The following CALN1 variants were observed in gnomAD, a reference collection of about 807,000 sequenced individuals.
CALN1 encodes calneuron 1.
Under a neutral mutation model 30.6 loss-of-function variants are expected in CALN1, and 17 were observed. That is an observed-to-expected ratio of 0.56 (90% CI 0.38 to 0.83). The LOEUF (loss-of-function observed/expected upper bound fraction) is 0.83. Among genes scored for constraint, CALN1 ranks in the 40% least tolerant of loss-of-function variants. The probability of loss-of-function intolerance (pLI) is 0.00; values close to 1 mark genes in which losing one functional copy is unlikely to be tolerated. For missense variants in CALN1, 291 were observed against 354.9 expected, an observed-to-expected ratio of 0.82 and a Z score of 1.45; for synonymous variants, 156 against 131.4, an observed-to-expected ratio of 1.19 and a Z score of -1.28.
chr7:72,012,591 A>G (rs1300926678), intron 5 of CALN1, among the ~76,000 whole-genome samples: 1 of 152,234 alleles, frequency 6.6e-6, no homozygotes, highest in East Asian at 1.9e-4. Context: ...TTTTCCCAAA[A>G]TATGAGTTTT....
intron 3 of CALN1, among the ~76,000 whole-genome samples, chr7:72,241,476 G>C (rs1056161084): frequency 6.6e-6 from 1 of 152,152 alleles, no homozygotes; most frequent in African/African-American, 2.4e-5. Flanking sequence ...GGAGGCCAAG[G>C]CGGGCAGATC....
At chr7:72,137,567 A>C (rs931115667) in intron 3 of CALN1, among the ~76,000 whole-genome samples, 2 of 152,214 alleles carry the variant, frequency 1.3e-5, no homozygotes, top group Non-Finnish European at 2.9e-5. Flanking sequence ...CAAAACAAAA[A>C]AACACAGTAT....
At position 71,902,885 on chromosome 7, in the gene CALN1, C is replaced by A. The variant is rs1415093578; in HGVS notation, c.502-92393G>T. 3.9e-5 allele frequency among the ~76,000 whole-genome samples: 6 copies of A among 152,002 alleles called. No individual in the cohort carries two copies. In the East Asian group the frequency reaches 9.7e-4, roughly 25 times the overall value. On this transcript the variant is annotated intron_variant, in intron 5 of 6. Coordinates refer to ENST00000395275, the MANE Select transcript of CALN1 (RefSeq NM_031468.4). The stretch of plus-strand genomic sequence containing the variant: ...TCCTAAGTGAAATAACTCAGAAAGT[C>A]AAATACTACATGTTCTAATTTATAA...
chr7:72,314,364 T>TATATAC (rs1554365663), intron 2 of CALN1, among the ~76,000 whole-genome samples: 6 of 116,856 alleles, frequency 5.1e-5, no homozygotes, highest in South Asian at 2.6e-4. Flanking sequence ...TATATACATA[T>TATATAC]ACATATATAC....
chr7:71,847,076 T>G, intron 5 of CALN1, among the ~76,000 whole-genome samples: 1 of 151,420 alleles, frequency 6.6e-6, no homozygotes, highest in East Asian at 1.9e-4. Context: ...CCAAGAGAGC[T>G]GATGGTGTAG....
intron 6 of CALN1, among the ~76,000 whole-genome samples, chr7:71,806,259 CACACACACACAA>C (rs1787605292): frequency 7.2e-6 from 1 of 138,170 alleles, no homozygotes; most frequent in Non-Finnish European, 1.5e-5. Flanking sequence ...TGCACACACA[CACACACACACAA>C]ACACACACAC....
chr7:72,320,344 G>A (rs140598392), intron 2 of CALN1, among the ~76,000 whole-genome samples: 1 of 152,106 alleles, frequency 6.6e-6, no homozygotes, highest in Non-Finnish European at 1.5e-5. Flanking sequence ...CCAGTGAGTC[G>A]AGCCTGAAGT....
chr7:72,243,603 G>A (rs1188270682), intron 3 of CALN1, among the ~76,000 whole-genome samples: 3 of 152,004 alleles, frequency 2.0e-5, no homozygotes, highest in East Asian at 1.9e-4. Flanking sequence ...CCACTCCTCC[G>A]CCCCTGCCCC....
intron 1 of CALN1, among the ~76,000 whole-genome samples, chr7:72,408,892 G>T (rs956142596): frequency 5.3e-5 from 8 of 151,658 alleles, no homozygotes; most frequent in African/African-American, 1.9e-4. Context: ...TGCCCAGGTT[G>T]GTCTCAAACT....
intron 3 of CALN1, among the ~76,000 whole-genome samples, chr7:72,203,912 C>T (rs1791616734): frequency 6.9e-6 from 1 of 145,674 alleles, no homozygotes; most frequent in African/African-American, 2.5e-5. Context: ...TAAAGAAAAA[C>T]ATTGTTACCT....
intron 5 of CALN1, among the ~76,000 whole-genome samples, chr7:71,932,510 A>G (rs1456655198): frequency 6.6e-6 from 1 of 152,054 alleles, no homozygotes; most frequent in Non-Finnish European, 1.5e-5. Context: ...TTTGTCTACA[A>G]CTTGACTATA....
In CALN1 at chr7:72,373,844, T is replaced by C. The variant is rs531625226; in HGVS notation, c.119+29407A>G. Among the ~76,000 whole-genome samples the C allele has an allele frequency of 4.6e-5, 7 of 152,256 alleles. No homozygotes were observed. In the East Asian group the frequency reaches 1.2e-3, roughly 25 times the overall value. On this transcript the variant is annotated intron_variant, in intron 2 of 6. Transcript: ENST00000395275. The stretch of plus-strand genomic sequence containing the variant: ...CATCATAAACTGATGAGAATTAAGA[T>C]AGAAAAACATCTTGAAAGTAAACAG...
the CALN1 span, among the ~76,000 whole-genome samples, chr7:72,452,621 G>A: frequency 6.6e-6 from 1 of 152,108 alleles, no homozygotes; most frequent in Non-Finnish European, 1.5e-5. Flanking sequence ...GTGGAACTGT[G>A]AGCCAAATAA....
chr7:72,393,508 T>C (rs1464355530), intron 2 of CALN1, among the ~76,000 whole-genome samples: 3 of 152,074 alleles, frequency 2.0e-5, no homozygotes, highest in African/African-American at 7.2e-5. Flanking sequence ...CACCATAACA[T>C]ATGAAGTATG....
intron 1 of CALN1, among the ~76,000 whole-genome samples, chr7:72,429,067 A>G (rs1807890913): frequency 6.6e-6 from 1 of 152,328 alleles, no homozygotes; most frequent in Non-Finnish European, 1.5e-5. Context: ...AATATTCTTC[A>G]GATGTGCCCA....
At chr7:72,267,432 T>C (rs145767747) in intron 3 of CALN1, among the ~76,000 whole-genome samples, 59 of 152,278 alleles carry the variant, frequency 3.9e-4, no homozygotes, top group African/African-American at 1.3e-3. Flanking sequence ...CACAGAGCTT[T>C]AAAAATATCT....
At chr7:72,209,007 T>G (rs1383049199) in intron 3 of CALN1, among the ~76,000 whole-genome samples, 2 of 119,898 alleles carry the variant, frequency 1.7e-5, no homozygotes, top group South Asian at 3.5e-4. Context: ...CTTCCCTCCT[T>G]CCCTCTTTCC....
upstream of CALN1, among the ~76,000 whole-genome samples, chr7:72,451,052 A>C (rs536887897): frequency 6.6e-6 from 1 of 151,836 alleles, no homozygotes; most frequent in African/African-American, 2.4e-5. Flanking sequence ...CTTTCTCCAC[A>C]GTTCCTCAGA....
intron 3 of CALN1, among the ~76,000 whole-genome samples, chr7:72,181,557 C>A (rs898739980): frequency 7.9e-5 from 12 of 151,518 alleles, no homozygotes; most frequent in Middle Eastern, 3.4e-3. Context: ...CGGCTCATTG[C>A]AACCTTCACC....
Sources: gnomAD v4.1 joint callset for allele counts (sites outside exome capture counted in the v4.1 genomes callset) on GRCh38, gnomAD v4.1.1 for gene constraint, MANE v1.5 for transcripts, NCBI Gene and HGNC (gene_info 2026-07-23, HGNC 2026-07-21) for gene names.